The following RALGPS1 variants were observed in gnomAD, a reference collection of about 807,000 sequenced individuals.
RALGPS1 encodes the protein Ral GEF with PH domain and SH3 binding motif 1.
RALGPS1 carries 19 observed loss-of-function variants against 78.8 expected under a neutral mutation model. The observed-to-expected ratio is 0.24, with a 90% CI of 0.17 to 0.35. The LOEUF (loss-of-function observed/expected upper bound fraction) is 0.35, where lower values mean the gene tolerates loss of function less well. Among genes scored for constraint, RALGPS1 ranks in the 10% least tolerant of loss-of-function variants. RALGPS1 has a pLI of 1.00. For synonymous variants in RALGPS1, 228 were observed against 256.3 expected (o/e 0.89, Z 1.06); for missense variants, 454 against 688.3 (o/e 0.66, Z 3.81).
intron 8 of RALGPS1, among the ~76,000 whole-genome samples, chr9:127,081,845 C>T (rs1241167154): frequency 6.6e-6 from 1 of 152,192 alleles, no homozygotes; most frequent in Non-Finnish European, 1.5e-5. Flanking sequence ...AGGCAGATGG[C>T]CCACCCACCT....
chr9:126,990,108 C>T (rs940771693), intron 4 of RALGPS1: 4 of 1,302,372 alleles, frequency 3.1e-6, no homozygotes, highest in Middle Eastern at 3.9e-4. Context: ...TGTGTCTTTG[C>T]TGCTCCTTGG....
At chr9:127,005,896 C>T (rs969470815) in intron 4 of RALGPS1, among the ~76,000 whole-genome samples, 2 of 152,222 alleles carry the variant, frequency 1.3e-5, no homozygotes, top group South Asian at 2.1e-4. Context: ...AAACCTTCTC[C>T]TGCTGGAAGA....
intron 8 of RALGPS1, among the ~76,000 whole-genome samples, chr9:127,100,317 A>G (rs935092871): frequency 6.6e-6 from 1 of 152,196 alleles, no homozygotes; most frequent in Non-Finnish European, 1.5e-5. Context: ...GAGGCCTCTC[A>G]AGTAAGAGCT....
Position 126,952,656 on chromosome 9 carries a change from A to AGTGTGTGTGTGTGTGT in RALGPS1, c.-65-9560_-65-9545dup, listed in dbSNP as rs1281535322. ...GAGAGAGAGAGAGAGAGAGAGAGAG[A>AGTGTGTGTGTGTGTGT]GTGTGTGTGTGTGTGTGTGTGTGTC... is the stretch of plus-strand genomic sequence containing the variant. On this transcript the variant is annotated intron_variant, in intron 1 of 18. Coordinates refer to ENST00000259351, the MANE Select transcript of RALGPS1 (RefSeq NM_014636.3). 8.0e-4 allele frequency among the ~76,000 whole-genome samples: 111 copies of AGTGTGTGTGTGTGTGT among 138,890 alleles called. No homozygotes were observed. The East Asian group carries it at 0.012, about 15-fold the overall frequency. 91.1% of individuals were successfully genotyped at this position (138,890 alleles called of 152,430 possible).
At chr9:127,172,670 C>G (rs2059626398) in intron 10 of RALGPS1, among the ~76,000 whole-genome samples, 1 of 152,218 alleles carries the variant, frequency 6.6e-6, no homozygotes, top group African/African-American at 2.4e-5. Flanking sequence ...ATTCATTCAG[C>G]ACTCTCTTAT....
At chr9:126,956,793 A>G (rs1333312537) in intron 1 of RALGPS1, among the ~76,000 whole-genome samples, 1 of 152,214 alleles carries the variant, frequency 6.6e-6, no homozygotes, top group East Asian at 1.9e-4. Flanking sequence ...ATAGGTATAA[A>G]TGAATAGAAA....
chr9:126,998,324 A>G (rs189337765), intron 4 of RALGPS1, among the ~76,000 whole-genome samples: 1 of 152,356 alleles, frequency 6.6e-6, no homozygotes, highest in East Asian at 1.9e-4. Flanking sequence ...TTACAAGAAA[A>G]AAACAAACAA....
At position 127,212,166 on chromosome 9, in the gene RALGPS1, C is replaced by T; in HGVS notation, c.1283C>T (p.Ser428Phe). The part of the protein sequence containing the change: ...TGPCICSLGN[S>F]AAVPTMEGPL... Reference sequence around the variant, plus strand: ...CCGTGCATCTGTTCTCTGGGGAACTCCGCAGCTGTGCCCACCATGGAGGGG... The same window carrying T: ...CCGTGCATCTGTTCTCTGGGGAACTTCGCAGCTGTGCCCACCATGGAGGGG... The change falls in exon 15 of 19, where the codon TCC becomes TTC. Residue 428 changes from serine to phenylalanine, a missense_variant. By Grantham distance (155) the Ser-to-Phe change is radical. Coordinates refer to ENST00000259351, the MANE Select transcript of RALGPS1 (RefSeq NM_014636.3). The surrounding 1 kb of genome is among the most constrained non-coding windows in gnomAD (Gnocchi z 6.0). 1 of 1,613,842 alleles carries T rather than the reference C, an allele frequency of 6.2e-7. No individual in the cohort carries two copies. The highest frequency in any genetic ancestry group is 2.2e-5 in the East Asian group (1 of 44,870).
intron 8 of RALGPS1, among the ~76,000 whole-genome samples, chr9:127,149,259 G>A (rs1031686145): frequency 6.6e-6 from 1 of 152,248 alleles, no homozygotes; most frequent in Non-Finnish European, 1.5e-5. Flanking sequence ...TCTGAGTCTA[G>A]TTCATCCACT....
At chr9:127,137,605 C>G (rs898350880) in intron 8 of RALGPS1, among the ~76,000 whole-genome samples, 4 of 152,262 alleles carry the variant, frequency 2.6e-5, no homozygotes, top group Admixed American at 1.3e-4. Context: ...CGTCCTTTTC[C>G]CTTTTGAAGC....
At chr9:126,930,943 T>G (rs1373956520) in intron 1 of RALGPS1, among the ~76,000 whole-genome samples, 1 of 152,250 alleles carries the variant, frequency 6.6e-6, no homozygotes, top group African/African-American at 2.4e-5. Flanking sequence ...AGAGAGCCAC[T>G]TTAGGTTGTG....
At chr9:126,956,159 A>AG (rs1217695988) in intron 1 of RALGPS1, among the ~76,000 whole-genome samples, 1 of 152,072 alleles carries the variant, frequency 6.6e-6, no homozygotes, top group African/African-American at 2.4e-5. Context: ...TAGGAGAACC[A>AG]GGGGGCACCC....
chr9:127,075,452 G>A (rs892022587), intron 8 of RALGPS1, among the ~76,000 whole-genome samples: 4 of 152,224 alleles, frequency 2.6e-5, no homozygotes, highest in Non-Finnish European at 2.9e-5. Context: ...CTGCATGCAT[G>A]TCTGGTTGCC....
chr9:127,161,480 G>A (rs1182783466), intron 8 of RALGPS1, among the ~76,000 whole-genome samples: 1 of 152,188 alleles, frequency 6.6e-6, no homozygotes, highest in South Asian at 2.1e-4. Context: ...CGGGCCCCAC[G>A]TTCTCTCACT....
chr9:127,178,580 G>C (rs373443070), intron 11 of RALGPS1: 2 of 807,010 alleles, frequency 2.5e-6, no homozygotes, highest in African/African-American at 3.8e-5. Flanking sequence ...TCACTGCCTC[G>C]GGGAAGCCTT....
chr9:127,190,063 ATTTC>A (rs1281904252), intron 11 of RALGPS1, among the ~76,000 whole-genome samples: 1 of 152,096 alleles, frequency 6.6e-6, no homozygotes, highest in Non-Finnish European at 1.5e-5. Context: ...TTCACCACAT[ATTTC>A]TTTAAGTATT....
chr9:126,925,163 A>T (rs1588461059), intron 1 of RALGPS1, among the ~76,000 whole-genome samples: 1 of 151,796 alleles, frequency 6.6e-6, no homozygotes, highest in Admixed American at 6.6e-5. Flanking sequence ...TAAATATAAA[A>T]ATAAAAATAC....
At chr9:127,109,000 C>A (rs2054539453) in intron 8 of RALGPS1, among the ~76,000 whole-genome samples, 1 of 152,180 alleles carries the variant, frequency 6.6e-6, no homozygotes. Context: ...GAGGGAGGGT[C>A]TCAGGGCATC....
chr9:127,192,559 A>AG (rs2061127939), intron 11 of RALGPS1, among the ~76,000 whole-genome samples: 1 of 152,100 alleles, frequency 6.6e-6, no homozygotes, highest in African/African-American at 2.4e-5. Flanking sequence ...CTGAGCTGAC[A>AG]GGGTTGCTTG....
Sources: allele counts gnomAD v4.1 joint callset (sites outside exome capture counted in the v4.1 genomes callset), GRCh38; gene constraint gnomAD v4.1.1; non-coding constraint Gnocchi (gnomAD v3.1); transcripts MANE v1.5; gene names NCBI Gene and HGNC (gene_info 2026-07-23, HGNC 2026-07-21).